The following KLK11 variants were observed in gnomAD, a reference collection of about 807,000 sequenced individuals.
KLK11 encodes the protein kallikrein-11.
Under a neutral mutation model 23.4 loss-of-function variants are expected in KLK11, and 10 were observed. That is an observed-to-expected ratio of 0.43 (90% CI 0.26 to 0.73). The LOEUF is 0.73. Ranked by LOEUF, KLK11 falls within the 30% of genes least tolerant of loss-of-function variation. KLK11 has a pLI of 0.22. For synonymous variants in KLK11, 131 were observed against 131.7 expected (o/e 0.99, Z 0.03); for missense variants, 285 against 327.8 (o/e 0.87, Z 1.01).
chr19:51,024,905 C>G lies in KLK11; in HGVS notation c.41-111G>C. ...AGAAAGAGAGTGGGTGGTCTGGGCC[C>G]TGGTCTGGTGTCCCTCTGGGTTGCC... On this transcript the variant is annotated intron_variant, in intron 2 of 5. Transcript: ENST00000453757. This position sits in a 1 kb window ranked among gnomAD's most constrained non-coding sequence, Gnocchi z 6.2. 1 of 1,065,938 alleles carries G rather than the reference C, an allele frequency of 9.4e-7. No individual in the cohort carries two copies. The highest frequency in any genetic ancestry group is 1.3e-6 in the Non-Finnish European group (1 of 774,754). The allele number at this position is 1,065,938 out of a possible 1,614,324, so 66.0% of individuals were successfully genotyped here.
intron 4 of KLK11, 125 bp downstream of exon 4, chr19:51,023,920 A>C: frequency 1.1e-6 from 1 of 884,754 alleles, no homozygotes; most frequent in Non-Finnish European, 1.6e-6. Context: ...GACGTTTTCC[A>C]CACATCCTCT....
upstream of KLK11, chr19:51,027,762 A>T: frequency 2.1e-6 from 1 of 478,464 alleles, no homozygotes; most frequent in Non-Finnish European, 3.7e-6. Context: ...TCTTCATCTG[A>T]GAGATGGGGG....
At chr19:51,026,618 G>C (rs575438228), upstream of KLK11, 1 of 986,978 alleles carries the variant, frequency 1.0e-6, no homozygotes, top group Non-Finnish European at 1.2e-6. Flanking sequence ...GGCTGGGTTG[G>C]AGCGCCAGGT....
upstream of KLK11, chr19:51,027,393 C>T (rs540342253): frequency 7.8e-6 from 12 of 1,546,036 alleles, no homozygotes; most frequent in South Asian, 1.0e-4. Context: ...CGCTCCTCTG[C>T]TGACCCTTCC....
chr19:51,023,208 G>A lies in KLK11; in HGVS notation c.484C>T (p.Arg162Ter), dbSNP rs773436826. The A allele has an allele frequency of 7.4e-6, 12 of 1,613,132 alleles. No homozygotes were observed. Among genetic ancestry groups the A allele is most frequent in the African/African-American group, 1.3e-5 (1 of 74,912 alleles). Residue 162 changes from arginine to a stop codon, truncating the protein, a stop_gained, in exon 5 of 6, where the codon CGA (arginine) becomes TGA (stop). Transcript: ENST00000453757. LOFTEE classifies it high-confidence loss of function. Reference protein sequence around the residue: ...SPQLRLPHTLRCANITIIEHQ... With the variant: ...SPQLRLPHTL ...TCAATGATGGTGATGTTGGCGCATC[G>A]CAAGGTGTGAGGCAGGCGTACTGTG...
At position 51,025,761 on chromosome 19, in the gene KLK11, C is replaced by T; in HGVS notation, c.-35-95G>A. ...CCCTCTCCTCTCTCCCTCACCTGCTCCCGCTCCCCACTTGGGAGAAACAAG... is the reference window on the plus strand; with the variant it reads ...CCCTCTCCTCTCTCCCTCACCTGCTTCCGCTCCCCACTTGGGAGAAACAAG... On this transcript the variant is annotated intron_variant, in intron 1 of 5. Transcript: ENST00000453757. This position sits in a 1 kb window ranked among gnomAD's most constrained non-coding sequence, Gnocchi z 6.2. 1.9e-6 allele frequency: 1 copy of T among 538,698 alleles called. No homozygotes were observed. 33.4% of individuals were successfully genotyped at this position (538,698 alleles called of 1,614,324 possible).
At chr19:51,023,397 T>TTG in intron 4 of KLK11, 169 bp from the exon 5 acceptor site, 1 of 775,974 alleles carries the variant, frequency 1.3e-6, no homozygotes, top group Non-Finnish European at 2.0e-6. Flanking sequence ...TTTTTTTTTT[T>TTG]TTTTCGAGAC....
chr19:51,027,438 A>G (rs1178972591), upstream of KLK11: 2 of 1,613,186 alleles, frequency 1.2e-6, no homozygotes, highest in Non-Finnish European at 1.7e-6. Context: ...AGGCAGCCCG[A>G]GTCCAGCTGT....
Position 51,023,138 on chromosome 19 carries a change from G to T in KLK11, c.554C>A (p.Thr185Asn), listed in dbSNP as rs567192332. 3 of 1,613,310 alleles carry T rather than the reference G, an allele frequency of 1.9e-6. No homozygotes were observed. Among genetic ancestry groups the T allele is most frequent in the Non-Finnish European group, 1.7e-6 (2 of 1,179,692 alleles). Residue 185 changes from threonine to asparagine, a missense_variant, in exon 5 of 6, where the codon ACC becomes AAC. Thr to Asn is a moderately conservative substitution (Grantham distance 65). Coordinates refer to ENST00000453757, the MANE Select transcript of KLK11 (RefSeq NM_001136032.3). ...TTCCTGCACGCTGGCACACACCATG[G>T]TGTCTGTGATGTTGCCGGGGTAGGC... ...ENAYPGNITD[T>N]MVCASVQEGG... is the part of the protein sequence containing the mutation.
In KLK11 at chr19:51,024,560, C is replaced by T; in HGVS notation, c.197+78G>A. ...CATCTCTAATCCCCTTACCAGCACC[C>T]CTATCCCTGAGCTTCTCTCCATCCA... On this transcript the variant is annotated intron_variant, in intron 3 of 5. Transcript: ENST00000453757. This position sits in a 1 kb window ranked among gnomAD's most constrained non-coding sequence, Gnocchi z 6.2. The T allele has an allele frequency of 1.4e-6, 2 of 1,401,698 alleles. No individual in the cohort carries two copies. The highest frequency in any genetic ancestry group is 1.9e-6 in the Non-Finnish European group (2 of 1,060,284). 86.8% of individuals were successfully genotyped at this position (1,401,698 alleles called of 1,614,324 possible). A position where few individuals can be genotyped will look rare whatever the true frequency, so the allele number is the denominator to read the frequency against.
At chr19:51,023,991 C>G in intron 4 of KLK11, 54 bp downstream of exon 4, 1 of 1,390,384 alleles carries the variant, frequency 7.2e-7, no homozygotes, top group African/African-American at 1.4e-5. Context: ...CTTCCACAAT[C>G]CTGACCACTC....
chr19:51,025,568 G>A lies in KLK11; in HGVS notation c.40+24C>T. The A allele has an allele frequency of 6.6e-7, 1 of 1,509,558 alleles. No homozygotes were observed. Among genetic ancestry groups the A allele is most frequent in the Non-Finnish European group, 9.0e-7 (1 of 1,109,784 alleles). 93.5% of individuals were successfully genotyped at this position (1,509,558 alleles called of 1,614,324 possible). A position where few individuals can be genotyped will look rare whatever the true frequency, so the allele number is the denominator to read the frequency against. On this transcript the variant is annotated intron_variant, in intron 2 of 5. Transcript: ENST00000453757. This position sits in a 1 kb window ranked among gnomAD's most constrained non-coding sequence, Gnocchi z 6.2. Reference sequence around the variant, plus strand: ...CCAGAGATTCAAGAGGGAGGATCCTGCCCTGCCCCCATCCCCTGCGTACCT... The same window carrying A: ...CCAGAGATTCAAGAGGGAGGATCCTACCCTGCCCCCATCCCCTGCGTACCT...
In KLK11 at chr19:51,026,525, C is replaced by T; in HGVS notation, c.-36+13G>A. 1 of 983,898 alleles carries T rather than the reference C, an allele frequency of 1.0e-6. No homozygotes were observed. The highest frequency in any genetic ancestry group is 1.2e-6 in the Non-Finnish European group (1 of 828,132). 60.9% of individuals were successfully genotyped at this position (983,898 alleles called of 1,614,324 possible). A position where few individuals can be genotyped will look rare whatever the true frequency, so the allele number is the denominator to read the frequency against. The stretch of plus-strand genomic sequence containing the variant: ...GACGGGGAGGGGCAGCTTCCCTTTC[C>T]TCCTGGACTCACAGGCTCTGGGGCT... On this transcript the variant is annotated intron_variant, in intron 1 of 5. Transcript: ENST00000453757.
Position 51,022,324 on chromosome 19 carries a change from G to A in KLK11, c.*221C>T. 1.7e-6 allele frequency: 1 copy of A among 574,706 alleles called. No homozygotes were observed. The highest frequency in any genetic ancestry group is 2.0e-5 in the South Asian group (1 of 50,402). 35.6% of individuals were successfully genotyped at this position (574,706 alleles called of 1,614,324 possible). A position where few individuals can be genotyped will look rare whatever the true frequency, so the allele number is the denominator to read the frequency against. On this transcript the variant is annotated 3_prime_UTR_variant, in exon 6 of 6. Transcript: ENST00000453757. Reference sequence around the variant, plus strand: ...TACAACAGAGAACAAACCAGGTGTTGTCATTCCCAGAGTCACAATATTTCA... The same window carrying A: ...TACAACAGAGAACAAACCAGGTGTTATCATTCCCAGAGTCACAATATTTCA...
chr19:51,025,779 G>T lies in KLK11; in HGVS notation c.-35-113C>A, dbSNP rs533051864. On this transcript the variant is annotated intron_variant, in intron 1 of 5. Coordinates refer to ENST00000453757, the MANE Select transcript of KLK11 (RefSeq NM_001136032.3). The surrounding 1 kb of genome is among the most constrained non-coding windows in gnomAD (Gnocchi z 6.2). ...ACCTGCTCCCGCTCCCCACTTGGGA[G>T]AAACAAGGTTGGGGAAATCCCCTGT... 6.9e-5 allele frequency: 36 copies of T among 521,312 alleles called. No individual in the cohort carries two copies. The highest frequency in any genetic ancestry group is 1.1e-4 in the Non-Finnish European group (32 of 288,190). 32.3% of individuals were successfully genotyped at this position (521,312 alleles called of 1,614,324 possible). A position where few individuals can be genotyped will look rare whatever the true frequency, so the allele number is the denominator to read the frequency against.
intron 1 of KLK11, among the ~76,000 whole-genome samples, chr19:51,026,271 G>A (rs896435318): frequency 3.3e-5 from 5 of 152,078 alleles, no homozygotes; most frequent in East Asian, 1.9e-4. Flanking sequence ...GGGGCTGGTC[G>A]AGGGGAGGGC....
Position 51,024,504 on chromosome 19 carries a change from G to T in KLK11, c.197+134C>A. 1 of 1,228,120 alleles carries T rather than the reference G, an allele frequency of 8.1e-7. No individual in the cohort carries two copies. Among genetic ancestry groups the T allele is most frequent in the Non-Finnish European group, 1.1e-6 (1 of 909,436 alleles). 76.1% of individuals were successfully genotyped at this position (1,228,120 alleles called of 1,614,324 possible). A position where few individuals can be genotyped will look rare whatever the true frequency, so the allele number is the denominator to read the frequency against. On this transcript the variant is annotated intron_variant, in intron 3 of 5. Coordinates refer to ENST00000453757, the MANE Select transcript of KLK11 (RefSeq NM_001136032.3). This position sits in a 1 kb window ranked among gnomAD's most constrained non-coding sequence, Gnocchi z 6.2. Reference sequence around the variant, plus strand: ...CCCCCCACCTTCAATACCAACTCGAGCCCATCAACCTTGCTGACACTACCC... The same window carrying T: ...CCCCCCACCTTCAATACCAACTCGATCCCATCAACCTTGCTGACACTACCC...
Position 51,024,670 on chromosome 19 carries a change from T to C in KLK11, c.165A>G (p.Arg55=). 1 of 1,538,890 alleles carries C rather than the reference T, an allele frequency of 6.5e-7. No individual in the cohort carries two copies. Among genetic ancestry groups the C allele is most frequent in the Non-Finnish European group, 8.8e-7 (1 of 1,136,786 alleles). The change falls in exon 3 of 6, where the codon AGA becomes AGG. Residue 55 remains arginine (R), a synonymous_variant. Transcript: ENST00000453757. This position sits in a 1 kb window ranked among gnomAD's most constrained non-coding sequence, Gnocchi z 6.2. The part of the protein sequence containing the change: ...LLCGATLIAP[R]WLLTAAHCLK... ...GGCAGTGGGCTGCTGTCAGGAGCCATCTGGGGGCGATGAGCGTCGCCCCAC... is the reference window on the plus strand; with the variant it reads ...GGCAGTGGGCTGCTGTCAGGAGCCACCTGGGGGCGATGAGCGTCGCCCCAC...
At chr19:51,026,367 G>A (rs1370613990) in intron 1 of KLK11, among the ~76,000 whole-genome samples, 171 bp downstream of exon 1, 3 of 151,978 alleles carry the variant, frequency 2.0e-5, no homozygotes, top group Non-Finnish European at 4.4e-5. Context: ...AGGTAACTGA[G>A]GCTGCGGACA....
Sources: gnomAD v4.1 joint callset for allele counts (sites outside exome capture counted in the v4.1 genomes callset) on GRCh38, gnomAD v4.1.1 for gene constraint, Gnocchi (gnomAD v3.1) non-coding constraint, MANE v1.5 for transcripts, NCBI Gene and HGNC (gene_info 2026-07-23, HGNC 2026-07-21) for gene names.